MAP7: variants seen among roughly 807,000 people sequenced by gnomAD.
MAP7 encodes the protein ensconsin.
A neutral mutation model predicts 94.8 loss-of-function variants in MAP7; 52 were observed. That is an observed-to-expected ratio of 0.55 (90% CI 0.44 to 0.69). MAP7 has a LOEUF of 0.69. Ranked by LOEUF, MAP7 falls within the 30% of genes least tolerant of loss-of-function variation. The probability of loss-of-function intolerance (pLI) is 0.00; values close to 1 mark genes in which losing one functional copy is unlikely to be tolerated. For missense variants in MAP7, 940 were observed against 964.6 expected, an observed-to-expected ratio of 0.97 and a Z score of 0.34; for synonymous variants, 350 against 357.0, an observed-to-expected ratio of 0.98 and a Z score of 0.22.
rs867424347 is a variant in MAP7, at chr6:136,407,472, A to T, written c.244+4148T>A. Reference sequence around the variant, plus strand: ...CTGGCACTAATTGTGATACAGTGCTAGGAGTATAAAGAACAACAGGGCAGT... The same window carrying T: ...CTGGCACTAATTGTGATACAGTGCTTGGAGTATAAAGAACAACAGGGCAGT... On this transcript the variant is annotated intron_variant, in intron 3 of 17. Transcript: ENST00000354570. 9.6e-4 allele frequency among the ~76,000 whole-genome samples: 147 copies of T among 152,348 alleles called. 1 individual carries two copies. The highest frequency in any genetic ancestry group is 3.4e-3 in the African/African-American group (140 of 41,590).
intron 1 of MAP7, among the ~76,000 whole-genome samples, chr6:136,426,625 GTGGAGAAGTTC>G (rs1304885368): frequency 1.3e-5 from 2 of 152,230 alleles, no homozygotes; most frequent in Non-Finnish European, 2.9e-5. Context: ...GAAGAATAAT[GTGGAGAAGTTC>G]CCTCACTGGG....
At chr6:136,406,829 A>T (rs1324473813) in intron 3 of MAP7, among the ~76,000 whole-genome samples, 1 of 152,210 alleles carries the variant, frequency 6.6e-6, no homozygotes, top group Non-Finnish European at 1.5e-5. Context: ...AAACAAAAAC[A>T]AAAACAAACA....
chr6:136,509,479 T>C lies in MAP7; in HGVS notation c.67+40863A>G, dbSNP rs76567824. On this transcript the variant is annotated intron_variant, in intron 1 of 17. Transcript: ENST00000354570. ...TGTTGCCCAGGCTGGTTTCAAACTC[T>C]TTGCCTCAAGTAATCCTCCCACCTG... Among the ~76,000 whole-genome samples the C allele has an allele frequency of 0.014, 2,056 of 152,212 alleles. 84 individuals carry two copies. In the East Asian group the frequency reaches 0.14, roughly 10 times the overall value.
chr6:136,509,092 C>A lies in MAP7; in HGVS notation c.67+41250G>T, dbSNP rs1039991559. ...AAGCATCTGTAGTTATAATGGCTCA[C>A]AATAAATAACCAAGAAATCCTCAGA... On this transcript the variant is annotated intron_variant, in intron 1 of 17. Transcript: ENST00000354570. Among the ~76,000 whole-genome samples, 13 of 152,166 alleles carry A rather than the reference C, an allele frequency of 8.5e-5. No homozygotes were observed. In the East Asian group the frequency reaches 2.1e-3, roughly 25 times the overall value.
intron 1 of MAP7, among the ~76,000 whole-genome samples, chr6:136,440,084 G>C (rs1312271712): frequency 1.3e-5 from 2 of 152,192 alleles, no homozygotes. Context: ...TAGCTGTGCT[G>C]CTGGGTGAGT....
At chr6:136,534,531 CCA>C (rs1250497626) in intron 1 of MAP7, among the ~76,000 whole-genome samples, 1 of 152,188 alleles carries the variant, frequency 6.6e-6, no homozygotes, top group Non-Finnish European at 1.5e-5. Flanking sequence ...TACTCCATTC[CCA>C]CATTCAAGTC....
chr6:136,380,914 G>T lies in MAP7; in HGVS notation c.637+2757C>A, dbSNP rs1777561276. ...TTCAGTATTTTTAATAACTAGTAGA[G>T]CTCTTTGGATATATTACAGCAGAAC... On this transcript the variant is annotated intron_variant, in intron 6 of 17. Transcript: ENST00000354570. 4.6e-5 allele frequency among the ~76,000 whole-genome samples: 7 copies of T among 152,212 alleles called. No individual in the cohort carries two copies. In the South Asian group the frequency reaches 1.4e-3, roughly 32 times the overall value.
At chr6:136,396,771 CAT>C (rs1782609525) in intron 3 of MAP7, among the ~76,000 whole-genome samples, 1 of 152,154 alleles carries the variant, frequency 6.6e-6, no homozygotes, top group African/African-American at 2.4e-5. Flanking sequence ...GGATCTTTCT[CAT>C]AAATTTACCA....
chr6:136,399,694 C>A (rs1297674315), intron 3 of MAP7, among the ~76,000 whole-genome samples: 1 of 152,070 alleles, frequency 6.6e-6, no homozygotes, highest in East Asian at 1.9e-4. Context: ...AAAATTTTAA[C>A]CTTTATGCTT....
rs746037132 is a variant in MAP7 at position 136,389,471 on chromosome 6, C to T, written c.291G>A (p.Gln97=). The T allele has an allele frequency of 1.1e-5, 17 of 1,610,440 alleles. No individual in the cohort carries two copies. The highest frequency in any genetic ancestry group is 1.7e-4 in the Middle Eastern group (1 of 6,034). ...GCTCTTCCAGGTGCTTCTCGTAGTGCTGCCTGGCTCGCTCTTCTCTTTCTA... is the reference window on the plus strand; with the variant it reads ...GCTCTTCCAGGTGCTTCTCGTAGTGTTGCCTGGCTCGCTCTTCTCTTTCTA... ...VWLEREERAR[Q]HYEKHLEERK... is the part of the protein sequence containing the mutation. Residue 97 remains glutamine (Q), a synonymous_variant, in exon 4 of 18, where the codon CAG becomes CAA. Transcript: ENST00000354570.
At chr6:136,426,485 A>G (rs556392653) in intron 1 of MAP7, among the ~76,000 whole-genome samples, 1 of 152,138 alleles carries the variant, frequency 6.6e-6, no homozygotes, top group East Asian at 1.9e-4. Flanking sequence ...AAATCCATAA[A>G]CCCACAGAGG....
chr6:136,394,941 T>TATATATATAC (rs1341899199), intron 3 of MAP7, among the ~76,000 whole-genome samples: 3 of 96,416 alleles, frequency 3.1e-5, no homozygotes, highest in African/African-American at 1.4e-4. Flanking sequence ...CATATATATA[T>TATATATATAC]ATATATATAT....
At chr6:136,347,552 C>T (rs1788032361) in intron 16 of MAP7, among the ~76,000 whole-genome samples, 1 of 152,074 alleles carries the variant, frequency 6.6e-6, no homozygotes, top group Non-Finnish European at 1.5e-5. Context: ...ACTACAGGGG[C>T]AAGCCACCAT....
rs1562422299 is a variant in MAP7 at position 136,456,816 on chromosome 6, G to GAAC, written c.68-35018_68-35017insGTT. Among the ~76,000 whole-genome samples the GAAC allele has an allele frequency of 4.5e-5, 4 of 88,208 alleles. 1 individual carries two copies. The highest frequency in any genetic ancestry group is 6.9e-5 in the Non-Finnish European group (3 of 43,368). 57.9% of individuals were successfully genotyped at this position (88,208 alleles called of 152,430 possible). ...AGAAGAAGAAGAAGAAGAAGAAGAA[G>GAAC]AAGAAGGAAGAAGAAGAAGAAGAAG... On this transcript the variant is annotated intron_variant, in intron 1 of 17. Transcript: ENST00000354570.
In MAP7 at chr6:136,389,343, G is replaced by A. The variant is rs1333031458; in HGVS notation, c.408+11C>T. 4.6e-6 allele frequency: 7 copies of A among 1,519,700 alleles called. No individual in the cohort carries two copies. The highest frequency in any genetic ancestry group is 5.3e-6 in the Non-Finnish European group (6 of 1,139,452). The allele number at this position is 1,519,700 out of a possible 1,614,324, so 94.1% of individuals were successfully genotyped here. A position where few individuals can be genotyped will look rare whatever the true frequency, so the allele number is the denominator to read the frequency against. On this transcript the variant is annotated intron_variant, in intron 4 of 17. Coordinates refer to ENST00000354570, the MANE Select transcript of MAP7 (RefSeq NM_003980.6). Reference sequence around the variant, plus strand: ...AGGAGCCACTCATATTCTTCCCGGGGGGCGGCTCACTTTGTCCTCCTCAAG... The same window carrying A: ...AGGAGCCACTCATATTCTTCCCGGGAGGCGGCTCACTTTGTCCTCCTCAAG...
At chr6:136,398,322 TG>T (rs1256675572) in intron 3 of MAP7, among the ~76,000 whole-genome samples, 9 of 152,248 alleles carry the variant, frequency 5.9e-5, no homozygotes. Context: ...CTGACAGGGC[TG>T]CTTTGTGGCT....
chr6:136,434,912 G>A (rs1037395411), intron 1 of MAP7, among the ~76,000 whole-genome samples: 3 of 152,164 alleles, frequency 2.0e-5, no homozygotes, highest in Admixed American at 2.0e-4. Context: ...TCCACAGACT[G>A]CAATTTACAT....
intron 1 of MAP7, among the ~76,000 whole-genome samples, chr6:136,527,489 A>G (rs995141529): frequency 6.6e-6 from 1 of 152,174 alleles, no homozygotes; most frequent in Non-Finnish European, 1.5e-5. Flanking sequence ...GGCAAGTACA[A>G]TATCCTCTCT....
At chr6:136,350,568 G>A (rs1788879015) in intron 16 of MAP7, among the ~76,000 whole-genome samples, 1 of 152,218 alleles carries the variant, frequency 6.6e-6, no homozygotes, top group Non-Finnish European at 1.5e-5. Flanking sequence ...AGAATAGGCT[G>A]GGCGTGGTGA....
Sources: allele counts gnomAD v4.1 joint callset (sites outside exome capture counted in the v4.1 genomes callset), GRCh38; gene constraint gnomAD v4.1.1; transcripts MANE v1.5; gene names NCBI Gene and HGNC (gene_info 2026-07-23, HGNC 2026-07-21).